The following PDZRN3 variants were observed in gnomAD, a reference collection of about 807,000 sequenced individuals.
PDZRN3 encodes the protein PDZ domain containing ring finger 3, also known as E3 ubiquitin-protein ligase PDZRN3.
PDZRN3 carries 38 observed loss-of-function variants against 85.7 expected under a neutral mutation model. That is an observed-to-expected ratio of 0.44 (90% CI 0.34 to 0.58). The LOEUF (loss-of-function observed/expected upper bound fraction) is 0.58. Ranked by LOEUF, PDZRN3 falls within the 20% of genes least tolerant of loss-of-function variation. PDZRN3 has a pLI of 0.01. For synonymous variants in PDZRN3, 759 were observed against 638.0 expected (o/e 1.19, Z -2.86); for missense variants, 1,629 against 1,506.4 (o/e 1.08, Z -1.35).
intron 3 of PDZRN3, among the ~76,000 whole-genome samples, chr3:73,425,061 T>C (rs1246622289): frequency 6.6e-6 from 1 of 150,916 alleles, no homozygotes; most frequent in Non-Finnish European, 1.5e-5. Flanking sequence ...GTTGTCCAGG[T>C]TGGAGTGCAG....
chr3:73,517,517 C>A (rs1704277156), intron 3 of PDZRN3, among the ~76,000 whole-genome samples: 1 of 152,144 alleles, frequency 6.6e-6, no homozygotes, highest in East Asian at 1.9e-4. Flanking sequence ...GAGGCTTAGG[C>A]CCCAAAGGAT....
rs372992089 is a variant in PDZRN3 at position 73,391,284 on chromosome 3, C to A, written c.1255-168G>T. ...CAAAAAGTGATTATGGACACAGGAT[C>A]AATGCCTACGGCATTTCTGACCTTT... On this transcript the variant is annotated intron_variant, in intron 5 of 9. Coordinates refer to ENST00000263666, the MANE Select transcript of PDZRN3 (RefSeq NM_015009.3). Among the ~76,000 whole-genome samples, 4 of 152,366 alleles carry A rather than the reference C, an allele frequency of 2.6e-5. No individual in the cohort carries two copies. In the East Asian group the frequency reaches 7.7e-4, roughly 29 times the overall value.
At chr3:73,520,548 CTT>C (rs763327994) in intron 3 of PDZRN3, among the ~76,000 whole-genome samples, 1 of 152,156 alleles carries the variant, frequency 6.6e-6, no homozygotes, top group East Asian at 1.9e-4. Context: ...GTAAAAGACT[CTT>C]TGAATAGAAT....
rs1343757148 is a variant in PDZRN3, at chr3:73,384,730, G to T, written c.1836C>A (p.Thr612=). The T allele has an allele frequency of 1.2e-6, 2 of 1,614,054 alleles. No homozygotes were observed. The highest frequency in any genetic ancestry group is 1.7e-5 in the Admixed American group (1 of 60,038). ...TGAAGGGCAGGTCGCCGCTGCCCAA[G>T]GTGTCCTGGCTGCAGGTGAGCTTCC... ...GQRKLTCSQD[T]LGSGDLPFSN... Residue 612 remains threonine, a synonymous_variant, in exon 10 of 10, where the codon ACC becomes ACA. Transcript: ENST00000263666.
At chr3:73,622,065 C>T (rs1012614367) in intron 1 of PDZRN3, among the ~76,000 whole-genome samples, 2 of 152,174 alleles carry the variant, frequency 1.3e-5, no homozygotes, top group African/African-American at 4.8e-5. Context: ...GTCCAGATGA[C>T]AGCATAAACA....
intron 3 of PDZRN3, among the ~76,000 whole-genome samples, chr3:73,519,002 G>A (rs907358223): frequency 2.0e-5 from 3 of 152,242 alleles, no homozygotes; most frequent in Admixed American, 1.3e-4. Flanking sequence ...AGTGGGTGCA[G>A]AGGGCAGAAT....
intron 3 of PDZRN3, among the ~76,000 whole-genome samples, chr3:73,580,482 C>A (rs2106865845): frequency 6.6e-6 from 1 of 152,348 alleles, no homozygotes; most frequent in South Asian, 2.1e-4. Flanking sequence ...TCTGAATTCT[C>A]TCAAGTGTAG....
intron 3 of PDZRN3, among the ~76,000 whole-genome samples, chr3:73,562,991 A>ATG: frequency 8.4e-5 from 2 of 23,796 alleles, no homozygotes; most frequent in African/African-American, 2.0e-4. Flanking sequence ...AATTATATAT[A>ATG]TATATATATA....
intron 3 of PDZRN3, among the ~76,000 whole-genome samples, chr3:73,426,091 G>T (rs1015645267): frequency 6.6e-6 from 1 of 151,962 alleles, no homozygotes; most frequent in South Asian, 2.1e-4. Flanking sequence ...GGAGCAGGGG[G>T]TGTCTTGTTT....
At chr3:73,412,035 C>T (rs925314658) in intron 3 of PDZRN3, among the ~76,000 whole-genome samples, 1 of 152,210 alleles carries the variant, frequency 6.6e-6, no homozygotes, top group Non-Finnish European at 1.5e-5. Context: ...ATTTAAGATG[C>T]TGGTGGCTTT....
At chr3:73,486,399 G>GA (rs10662570) in intron 3 of PDZRN3, among the ~76,000 whole-genome samples, 149,131 of 150,756 alleles carry the variant, frequency 0.99, 73,776 homozygotes, top group Middle Eastern at 1. Flanking sequence ...GAGGTGGAAG[G>GA]AAAAAAAAAT....
At position 73,567,969 on chromosome 3, in the gene PDZRN3, T is replaced by C. The variant is rs1372881326; in HGVS notation, c.918+34385A>G. On this transcript the variant is annotated intron_variant, in intron 3 of 9. Coordinates refer to ENST00000263666, the MANE Select transcript of PDZRN3 (RefSeq NM_015009.3). Reference sequence around the variant, plus strand: ...CCCAAGAAATAAAACTAGTGGCTAATGCGATAATGAAATAAATAAGGAGTT... The same window carrying C: ...CCCAAGAAATAAAACTAGTGGCTAACGCGATAATGAAATAAATAAGGAGTT... Among the ~76,000 whole-genome samples the C allele has an allele frequency of 3.3e-5, 5 of 152,236 alleles. No individual in the cohort carries two copies. The East Asian group carries it at 9.7e-4, about 29-fold the overall frequency.
intron 3 of PDZRN3, among the ~76,000 whole-genome samples, chr3:73,462,306 G>A (rs1703120862): frequency 6.6e-6 from 1 of 152,042 alleles, no homozygotes; most frequent in South Asian, 2.1e-4. Flanking sequence ...AGGAACTTGA[G>A]GCCGAGGCGG....
intron 3 of PDZRN3, among the ~76,000 whole-genome samples, chr3:73,574,975 T>C (rs2106857556): frequency 6.6e-6 from 1 of 152,346 alleles, no homozygotes; most frequent in East Asian, 1.9e-4. Flanking sequence ...TAAGGTGTCA[T>C]TCCTTTGAAG....
At chr3:73,499,519 G>A (rs555224705) in intron 3 of PDZRN3, among the ~76,000 whole-genome samples, 103 of 152,276 alleles carry the variant, frequency 6.8e-4, no homozygotes, top group Non-Finnish European at 7.8e-4. Flanking sequence ...TACTATTCGT[G>A]TAAGGCTCCA....
Position 73,384,159 on chromosome 3 carries a change from G to C in PDZRN3, c.2407C>G (p.Pro803Ala). 6.2e-7 allele frequency: 1 copy of C among 1,614,054 alleles called. No homozygotes were observed. The highest frequency in any genetic ancestry group is 8.5e-7 in the Non-Finnish European group (1 of 1,180,016). The change falls in exon 10 of 10, where the codon CCA (proline) becomes GCA (alanine). Residue 803 changes from proline (P) to alanine (A), a missense_variant. Transcript: ENST00000263666. ...GAVGTTEAYG[P>A]ASKNLLSITE... is the part of the protein sequence containing the mutation. ...ATGGAGAGCAGATTCTTGGAGGCTG[G>C]CCCGTAGGCTTCCGTGGTCCCCACA...
chr3:73,607,514 C>T (rs1170610807), intron 2 of PDZRN3, among the ~76,000 whole-genome samples: 1 of 152,158 alleles, frequency 6.6e-6, no homozygotes, highest in Admixed American at 6.5e-5. Flanking sequence ...ATCAGTCTCT[C>T]CATCTGGAGG....
rs561550913 is a variant in PDZRN3 at position 73,469,802 on chromosome 3, T to C, written c.919-65407A>G. Among the ~76,000 whole-genome samples, 4 of 152,348 alleles carry C rather than the reference T, an allele frequency of 2.6e-5. No individual in the cohort carries two copies. In the South Asian group the frequency reaches 8.3e-4, roughly 32 times the overall value. ...CAAAGTGCTATTTACATGGCACCCA[T>C]TTTCTGATTGGATGCACTGATTGAA... is the stretch of plus-strand genomic sequence containing the variant. On this transcript the variant is annotated intron_variant, in intron 3 of 9. Transcript: ENST00000263666.
intron 3 of PDZRN3, among the ~76,000 whole-genome samples, chr3:73,528,554 C>T (rs1045622831): frequency 1.3e-5 from 2 of 151,988 alleles, no homozygotes; most frequent in African/African-American, 2.4e-5. Flanking sequence ...TATGCGATTA[C>T]GAAGTAATAA....
Sources: gnomAD v4.1 joint callset for allele counts (sites outside exome capture counted in the v4.1 genomes callset) on GRCh38, gnomAD v4.1.1 for gene constraint, MANE v1.5 for transcripts, NCBI Gene and HGNC (gene_info 2026-07-23, HGNC 2026-07-21) for gene names.